The following BORCS8 variants were observed in gnomAD, a reference collection of about 807,000 sequenced individuals.
BORCS8 encodes BLOC-1-related complex subunit 8.
Under a neutral mutation model 18.7 loss-of-function variants are expected in BORCS8, and 13 were observed. The observed-to-expected ratio is 0.70, with a 90% confidence interval of 0.45 to 1.11. The LOEUF is 1.11. Among genes scored for constraint, BORCS8 ranks in the 50% least tolerant of loss-of-function variants. BORCS8 has a pLI of 0.00. For synonymous variants in BORCS8, 68 were observed against 64.8 expected, an observed-to-expected ratio of 1.05 and a Z score of -0.24; for missense variants, 165 against 165.7, an observed-to-expected ratio of 1.00 and a Z score of 0.02.
chr19:19,184,292 T>G (rs2060384037), intron 3 of BORCS8, among the ~76,000 whole-genome samples: 1 of 146,754 alleles, frequency 6.8e-6, no homozygotes, highest in Admixed American at 7.2e-5. Flanking sequence ...TTGTTGGTTT[T>G]TTTTTTTCCT....
At chr19:19,192,006 C>G (rs1256492657) in intron 1 of BORCS8, 75 bp downstream of exon 1, 43 of 1,534,674 alleles carry the variant, frequency 2.8e-5, no homozygotes, top group Non-Finnish European at 3.7e-5. Flanking sequence ...CACGGTCCCT[C>G]CGCGCCCGGC....
At chr19:19,179,918 G>T in intron 5 of BORCS8, 1 of 152,932 alleles carries the variant, frequency 6.5e-6, no homozygotes, top group Non-Finnish European at 1.5e-5. Flanking sequence ...TGCTGGAGAG[G>T]CCATGAGGAA....
intron 3 of BORCS8, 108 bp downstream of exon 3, chr19:19,185,926 G>A (rs777107829): frequency 6.1e-6 from 7 of 1,142,978 alleles, no homozygotes; most frequent in East Asian, 2.6e-5. Context: ...CACTCGGGTA[G>A]GCCTGGCAGG....
chr19:19,181,471 C>T (rs980146071), intron 4 of BORCS8, among the ~76,000 whole-genome samples: 6 of 152,226 alleles, frequency 3.9e-5, no homozygotes, highest in Non-Finnish European at 7.3e-5. Flanking sequence ...GCAACTCAAG[C>T]TGCTACTAAT....
Position 19,180,543 on chromosome 19 carries a change from C to T in BORCS8, c.*42+143G>A. Reference sequence around the variant, plus strand: ...CATTCTGGACCTGCAGACACCCCTCCACCTGCCACCTCCGAAATCATCCCA... The same window carrying T: ...CATTCTGGACCTGCAGACACCCCTCTACCTGCCACCTCCGAAATCATCCCA... On this transcript the variant is annotated intron_variant, in intron 5 of 5. Coordinates refer to ENST00000462790, the MANE Select transcript of BORCS8 (RefSeq NM_001145784.2). The T allele has an allele frequency of 6.0e-6, 4 of 669,034 alleles. 1 individual carries two copies. Among genetic ancestry groups the T allele is most frequent in the Non-Finnish European group, 2.7e-6 (1 of 371,154 alleles). 41.4% of individuals were successfully genotyped at this position (669,034 alleles called of 1,614,324 possible).
Position 19,182,509 on chromosome 19 carries a change from C to A in BORCS8, c.326+64G>T, listed in dbSNP as rs1396207107. ...ATAAGCGAGAAGCAGCGGTTCCCAG[C>A]GCAGCTGAGAGACGGTCCTTGCAGC... On this transcript the variant is annotated intron_variant, in intron 4 of 5. Transcript: ENST00000462790. The surrounding 1 kb of genome is among the most constrained non-coding windows in gnomAD (Gnocchi z 4.1). 1.3e-6 allele frequency: 2 copies of A among 1,518,858 alleles called. No individual in the cohort carries two copies. The highest frequency in any genetic ancestry group is 8.8e-7 in the Non-Finnish European group (1 of 1,133,490). 94.1% of individuals were successfully genotyped at this position (1,518,858 alleles called of 1,614,324 possible). A position where few individuals can be genotyped will look rare whatever the true frequency, so the allele number is the denominator to read the frequency against.
In BORCS8 at chr19:19,177,145, A is replaced by C. The variant is rs1309008444; in HGVS notation, c.*358T>G. 1.3e-5 allele frequency: 2 copies of C among 152,170 alleles called. No individual in the cohort carries two copies. Among genetic ancestry groups the C allele is most frequent in the Non-Finnish European group, 2.9e-5 (2 of 68,050 alleles). 9.4% of individuals were successfully genotyped at this position (152,170 alleles called of 1,614,324 possible). A position where few individuals can be genotyped will look rare whatever the true frequency, so the allele number is the denominator to read the frequency against. On this transcript the variant is annotated 3_prime_UTR_variant, in exon 6 of 6. Transcript: ENST00000462790. ...AACCAATCACTAGGAACCTAGGACAAGGGAGCTCTGATTGGCCAGGCCGAG... is the reference window on the plus strand; with the variant it reads ...AACCAATCACTAGGAACCTAGGACACGGGAGCTCTGATTGGCCAGGCCGAG...
rs566752843 is a variant in BORCS8, at chr19:19,177,271, T to G, written c.*232A>C. ...GCAGAATGCAGGTTGGGAGGGTAGA[T>G]CTGCGAATGTCCAACTCAGCCTGTA... On this transcript the variant is annotated 3_prime_UTR_variant, in exon 6 of 6. Coordinates refer to ENST00000462790, the MANE Select transcript of BORCS8 (RefSeq NM_001145784.2). 2.0e-5 allele frequency: 3 copies of G among 152,178 alleles called. No individual in the cohort carries two copies. In the East Asian group the frequency reaches 5.8e-4, roughly 30 times the overall value. The allele number at this position is 152,178 out of a possible 1,614,324, so 9.4% of individuals were successfully genotyped here.
chr19:19,190,600 C>T (rs774103197), intron 1 of BORCS8, among the ~76,000 whole-genome samples: 1 of 152,168 alleles, frequency 6.6e-6, no homozygotes, highest in Non-Finnish European at 1.5e-5. Context: ...ACCAGCCTGA[C>T]CAACGTGGAG....
At chr19:19,185,670 A>G (rs1466403935) in intron 3 of BORCS8, among the ~76,000 whole-genome samples, 1 of 152,258 alleles carries the variant, frequency 6.6e-6, no homozygotes, top group African/African-American at 2.4e-5. Context: ...TGGGTGACAG[A>G]GTAAGATTCT....
rs1173620988 is a variant in BORCS8, at chr19:19,182,453, A to T, written c.326+120T>A. 12 of 1,452,114 alleles carry T rather than the reference A, an allele frequency of 8.3e-6. No individual in the cohort carries two copies. The highest frequency in any genetic ancestry group is 1.4e-5 in the African/African-American group (1 of 70,332). The allele number at this position is 1,452,114 out of a possible 1,614,324, so 90.0% of individuals were successfully genotyped here. The stretch of plus-strand genomic sequence containing the variant: ...ACAGGACAAGAGGAGGTCACCAGAC[A>T]CCAGGACAAAAGGAAAGAGACAGTT... On this transcript the variant is annotated intron_variant, in intron 4 of 5. Transcript: ENST00000462790. The surrounding 1 kb of genome is among the most constrained non-coding windows in gnomAD (Gnocchi z 4.1).
intron 1 of BORCS8, among the ~76,000 whole-genome samples, chr19:19,191,018 T>C (rs1347260668): frequency 6.6e-6 from 1 of 152,154 alleles, no homozygotes; most frequent in South Asian, 2.1e-4. Context: ...TGTAGGCCTG[T>C]ATTATGTATT....
At chr19:19,192,017 CTTT>C (rs1054116511) in intron 1 of BORCS8, 61 bp downstream of exon 1, 366 of 1,544,406 alleles carry the variant, frequency 2.4e-4, no homozygotes, top group Non-Finnish European at 3.0e-4. Context: ...CGCGCCCGGC[CTTT>C]GTCAGGCCGC....
intron 1 of BORCS8, 37 bp from the exon 2 acceptor site, chr19:19,187,042 A>G: frequency 6.7e-7 from 1 of 1,485,628 alleles, no homozygotes. Context: ...GGGTGTGGGG[A>G]GACAAAGCGT....
intron 1 of BORCS8, among the ~76,000 whole-genome samples, chr19:19,189,780 G>T (rs1391831633): frequency 6.6e-6 from 1 of 152,130 alleles, no homozygotes; most frequent in Non-Finnish European, 1.5e-5. Context: ...AGCTGGTCAT[G>T]GTGATCTATA....
chr19:19,186,040 G>T lies in BORCS8; in HGVS notation c.209C>A (p.Ala70Asp). The change falls in exon 3 of 6, where the codon GCC (alanine) becomes GAC (aspartate). Residue 70 changes from alanine to aspartate, a missense_variant. Physicochemically the swap from Ala to Asp is moderately radical, Grantham distance 126 (BLOSUM62 -2). Coordinates refer to ENST00000462790, the MANE Select transcript of BORCS8 (RefSeq NM_001145784.2). ...GGGAGGCTGTGGCGCTCACCTGCAG[G>T]CGTACTCCACAGTGTAGATGGCTCC... ...SQGAIYTVEY[A>D]CSAVKNLVDS... The T allele has an allele frequency of 1.3e-6, 2 of 1,550,942 alleles. No homozygotes were observed. Among genetic ancestry groups the T allele is most frequent in the South Asian group, 1.2e-5 (1 of 84,024 alleles).
chr19:19,181,053 G>A (rs2060343968), intron 4 of BORCS8, among the ~76,000 whole-genome samples: 1 of 152,142 alleles, frequency 6.6e-6, no homozygotes, highest in East Asian at 1.9e-4. Context: ...AAATTAGCCA[G>A]GTGTGGTGGC....
At chr19:19,186,783 T>C (rs2060413092) in intron 2 of BORCS8, 110 bp downstream of exon 2, 1 of 672,398 alleles carries the variant, frequency 1.5e-6, no homozygotes. Flanking sequence ...ATCCCAGATC[T>C]GTCCACCACG....
chr19:19,180,557 G>A (rs908418745), intron 5 of BORCS8, 129 bp downstream of exon 5: 17 of 709,300 alleles, frequency 2.4e-5, no homozygotes, highest in Non-Finnish European at 3.8e-5. Flanking sequence ...TGCCACCTCC[G>A]AAATCATCCC....
Sources: gnomAD v4.1 joint callset for allele counts (sites outside exome capture counted in the v4.1 genomes callset) on GRCh38, gnomAD v4.1.1 for gene constraint, Gnocchi (gnomAD v3.1) non-coding constraint, MANE v1.5 for transcripts, NCBI Gene and HGNC (gene_info 2026-07-23, HGNC 2026-07-21) for gene names.